ST3GAL4: variants seen among roughly 807,000 people sequenced by gnomAD.
ST3GAL4 encodes CMP-N-acetylneuraminate-beta-galactosamide-alpha-2,3-sialyltransferase 4.
Under a neutral mutation model 42.6 loss-of-function variants are expected in ST3GAL4, and 24 were observed. That is an observed-to-expected ratio of 0.56 (90% confidence interval 0.41 to 0.79). The LOEUF is 0.79. ST3GAL4 is among the 30% of genes least tolerant of loss of function. ST3GAL4 has a pLI of 0.00. For missense variants in ST3GAL4, 311 were observed against 430.8 expected, an observed-to-expected ratio of 0.72 and a Z score of 2.46; for synonymous variants, 135 against 163.2, an observed-to-expected ratio of 0.83 and a Z score of 1.32.
rs7940893 is a variant in ST3GAL4 at position 126,376,181 on chromosome 11, T to C, written c.-61+20339T>C. ...CTATAGTAAGTTACTCCGATTGGCT[T>C]TTGGTATTAAAATGTCTTCAGTTTC... On this transcript the variant is annotated intron_variant, in intron 1 of 10. Transcript: ENST00000444328. The surrounding 1 kb of genome is among the most constrained non-coding windows in gnomAD (Gnocchi z 5.1). Among the ~76,000 whole-genome samples, 28,529 of 152,084 alleles carry C rather than the reference T, an allele frequency of 0.19. 2,967 individuals are homozygous for C. The highest frequency in any genetic ancestry group is 0.36 in the East Asian group (1,847 of 5,166).
intron 1 of ST3GAL4, among the ~76,000 whole-genome samples, chr11:126,390,323 G>GTTTT (rs142562472): frequency 6.7e-6 from 1 of 148,824 alleles, no homozygotes; most frequent in Non-Finnish European, 1.5e-5. Context: ...AGTGTTTCCA[G>GTTTT]TTTGTTTGTT....
Position 126,375,427 on chromosome 11 carries a change from G to A in ST3GAL4, c.-61+19585G>A, listed in dbSNP as rs1329315655. Among the ~76,000 whole-genome samples, 10 of 152,070 alleles carry A rather than the reference G, an allele frequency of 6.6e-5. No individual in the cohort carries two copies. In the South Asian group the frequency reaches 8.3e-4, roughly 13 times the overall value. On this transcript the variant is annotated intron_variant, in intron 1 of 10. Transcript: ENST00000444328. ...GGCAGGGGTGGACATCCCGGGGATC[G>A]TGGAGTCTAGGGAGCCAGTCTGCAC...
chr11:126,395,946 A>G (rs12576289), intron 1 of ST3GAL4, among the ~76,000 whole-genome samples: 32,076 of 152,118 alleles, frequency 0.21, 4,598 homozygotes, highest in East Asian at 0.74. Flanking sequence ...GTCTCTGTGC[A>G]TCAGAGCAAG....
rs976143830 is a variant in ST3GAL4, at chr11:126,363,333, G to T, written c.-61+7491G>T. 1.3e-5 allele frequency among the ~76,000 whole-genome samples: 2 copies of T among 151,978 alleles called. No homozygotes were observed. Among genetic ancestry groups the T allele is most frequent in the Non-Finnish European group, 2.9e-5 (2 of 68,006 alleles). ...TCTGCCTCCTCTGCATTCTCTCCTT[G>T]CCCTTGCTTCTCTGATCTGCCTTTT... On this transcript the variant is annotated intron_variant, in intron 1 of 10. Transcript: ENST00000444328. The surrounding 1 kb of genome is among the most constrained non-coding windows in gnomAD (Gnocchi z 4.6).
intron 1 of ST3GAL4, 150 bp from the exon 2 acceptor site, chr11:126,405,946 G>A (rs1002485708): frequency 1.1e-6 from 1 of 922,996 alleles, no homozygotes; most frequent in African/African-American, 1.6e-5. Flanking sequence ...GATCCTGGAT[G>A]AGAAAACTCA....
Position 126,363,948 on chromosome 11 carries a change from A to G in ST3GAL4, c.-61+8106A>G, listed in dbSNP as rs1952340675. Among the ~76,000 whole-genome samples the G allele has an allele frequency of 6.6e-6, 1 of 152,092 alleles. No individual in the cohort carries two copies. Among genetic ancestry groups the G allele is most frequent in the Non-Finnish European group, 1.5e-5 (1 of 68,028 alleles). ...GTTGGCTTTGTGACCCTCGCTTTGT[A>G]CTGTGGCTTTGTTCTGCCTTAGGGA... On this transcript the variant is annotated intron_variant, in intron 1 of 10. Coordinates refer to ENST00000444328, the MANE Select transcript of ST3GAL4 (RefSeq NM_001254757.2). The surrounding 1 kb of genome is among the most constrained non-coding windows in gnomAD (Gnocchi z 4.6).
Position 126,409,586 on chromosome 11 carries a change from T to C in ST3GAL4, c.771+175T>C, listed in dbSNP as rs764968197. Among the ~76,000 whole-genome samples, 3 of 152,162 alleles carry C rather than the reference T, an allele frequency of 2.0e-5. No individual in the cohort carries two copies. The highest frequency in any genetic ancestry group is 4.4e-5 in the Non-Finnish European group (3 of 68,034). ...CTGCTGCAAAGGGGAGTGCACACTT[T>C]AGAGAACCAAGGGGCATTTACTAAG... On this transcript the variant is annotated intron_variant, in intron 9 of 10. Transcript: ENST00000444328. This position sits in a 1 kb window ranked among gnomAD's most constrained non-coding sequence, Gnocchi z 4.9.
chr11:126,413,589 G>A lies in ST3GAL4; in HGVS notation c.856G>A (p.Ala286Thr), dbSNP rs550860098. 7.4e-6 allele frequency: 12 copies of A among 1,614,270 alleles called. No homozygotes were observed. Among genetic ancestry groups the A allele is most frequent in the East Asian group, 4.5e-5 (2 of 44,880 alleles). The change falls in exon 10 of 11, where the codon GCC (alanine) becomes ACC (threonine). Residue 286 changes from alanine (A) to threonine (T), a missense_variant. By Grantham distance (58) the Ala-to-Thr change is moderately conservative. Transcript: ENST00000444328. ...VHIAGFGYPD[A>T]YNKKQTIHYY... ...CATTGCCGGCTTTGGCTACCCAGAC[G>A]CCTACAACAAGAAGCAGACCATTCA...
Position 126,393,767 on chromosome 11 carries a change from C to T in ST3GAL4, c.-60-12329C>T, listed in dbSNP as rs1953613019. On this transcript the variant is annotated intron_variant, in intron 1 of 10. Coordinates refer to ENST00000444328, the MANE Select transcript of ST3GAL4 (RefSeq NM_001254757.2). The surrounding 1 kb of genome is among the most constrained non-coding windows in gnomAD (Gnocchi z 5.9). ...TGTCCGGTCAAAATAGAATGGGAGC[C>T]AGAAATACAAGCCACATGTAATTTT... Among the ~76,000 whole-genome samples the T allele has an allele frequency of 6.6e-6, 1 of 152,084 alleles. No homozygotes were observed. Among genetic ancestry groups the T allele is most frequent in the Non-Finnish European group, 1.5e-5 (1 of 68,030 alleles).
In ST3GAL4 at chr11:126,409,322, CAG is replaced by C; in HGVS notation, c.684_685del (p.Gln228HisfsTer14). Reference sequence around the variant, plus strand: ...CCTCATCTGGGATGTCAATCCTAAACAGATTCGGATTCTCAACCCCTTCTTCA... The same window carrying C: ...CCTCATCTGGGATGTCAATCCTAAACATTCGGATTCTCAACCCCTTCTTCA... ...PPLIWDVNPKQIRILNPFFME... is the reference protein window; with the variant it reads ...PPLIWDVNPKXIRILNPFFME... On this transcript the variant is annotated frameshift_variant, in exon 9 of 11. Coordinates refer to ENST00000444328, the MANE Select transcript of ST3GAL4 (RefSeq NM_001254757.2). LOFTEE classifies it high-confidence loss of function. The surrounding 1 kb of genome is among the most constrained non-coding windows in gnomAD (Gnocchi z 4.9). 1 of 1,614,256 alleles carries C rather than the reference CAG, an allele frequency of 6.2e-7. No individual in the cohort carries two copies. Among genetic ancestry groups the C allele is most frequent in the Non-Finnish European group, 8.5e-7 (1 of 1,180,048 alleles).
rs1157748772 is a variant in ST3GAL4 at position 126,376,209 on chromosome 11, AG to A, written c.-61+20369del. The stretch of plus-strand genomic sequence containing the variant: ...GGTATTAAAATGTCTTCAGTTTCAG[AG>A]GTCCCAGGATAGTGGGCAATATTTG... On this transcript the variant is annotated intron_variant, in intron 1 of 10. Transcript: ENST00000444328. This position sits in a 1 kb window ranked among gnomAD's most constrained non-coding sequence, Gnocchi z 5.1. Among the ~76,000 whole-genome samples the A allele has an allele frequency of 6.6e-6, 1 of 152,196 alleles. No individual in the cohort carries two copies. The highest frequency in any genetic ancestry group is 1.9e-4 in the East Asian group (1 of 5,194).
intron 1 of ST3GAL4, among the ~76,000 whole-genome samples, chr11:126,367,191 G>A (rs1952461825): frequency 6.6e-6 from 1 of 152,124 alleles, no homozygotes; most frequent in Non-Finnish European, 1.5e-5. Flanking sequence ...ACCAACTCCA[G>A]GAGGTGCTAC....
At position 126,383,876 on chromosome 11, in the gene ST3GAL4, G is replaced by C. The variant is rs1953108254; in HGVS notation, c.-60-22220G>C. ...TCATGGCCCACCTTTACTCTGAGGG[G>C]GTGGGCTTCCTGCGGGGGACAAACT... On this transcript the variant is annotated intron_variant, in intron 1 of 10. Coordinates refer to ENST00000444328, the MANE Select transcript of ST3GAL4 (RefSeq NM_001254757.2). This position sits in a 1 kb window ranked among gnomAD's most constrained non-coding sequence, Gnocchi z 4.5. 6.6e-6 allele frequency among the ~76,000 whole-genome samples: 1 copy of C among 152,174 alleles called. No individual in the cohort carries two copies. The highest frequency in any genetic ancestry group is 6.5e-5 in the Admixed American group (1 of 15,282).
chr11:126,413,393 G>A lies in ST3GAL4; in HGVS notation c.772-112G>A, dbSNP rs542374226. 47 of 1,391,460 alleles carry A rather than the reference G, an allele frequency of 3.4e-5. No individual in the cohort carries two copies. In the East Asian group the frequency reaches 4.0e-4, roughly 12 times the overall value. 86.2% of individuals were successfully genotyped at this position (1,391,460 alleles called of 1,614,324 possible). On this transcript the variant is annotated intron_variant, in intron 9 of 10. Transcript: ENST00000444328. ...CTCGTGGCTTGTCTTGTTGGACAGC[G>A]CAGATGGAGAACGTTTCCGTGACTG...
At position 126,363,883 on chromosome 11, in the gene ST3GAL4, C is replaced by G. The variant is rs1434649831; in HGVS notation, c.-61+8041C>G. Among the ~76,000 whole-genome samples, 1 of 152,372 alleles carries G rather than the reference C, an allele frequency of 6.6e-6. No homozygotes were observed. The highest frequency in any genetic ancestry group is 1.5e-5 in the Non-Finnish European group (1 of 68,034). On this transcript the variant is annotated intron_variant, in intron 1 of 10. Coordinates refer to ENST00000444328, the MANE Select transcript of ST3GAL4 (RefSeq NM_001254757.2). This position sits in a 1 kb window ranked among gnomAD's most constrained non-coding sequence, Gnocchi z 4.6. ...GATACACTCCCCACCCTCCCAGGCC[C>G]GGCACCGTGTCGCCCTGCCCCAGCC...
chr11:126,387,830 A>G (rs1377806573), intron 1 of ST3GAL4, among the ~76,000 whole-genome samples: 2 of 152,198 alleles, frequency 1.3e-5, no homozygotes, highest in Non-Finnish European at 2.9e-5. Context: ...GTACAGACAT[A>G]TCTGGGTATG....
intron 1 of ST3GAL4, chr11:126,358,582 C>T (rs186816279): frequency 1.1e-4 from 40 of 372,916 alleles, no homozygotes; most frequent in Middle Eastern, 5.8e-4. Flanking sequence ...AGAGCAGCAG[C>T]GTGCGATGCC....
At chr11:126,402,154 A>G (rs569283765) in intron 1 of ST3GAL4, among the ~76,000 whole-genome samples, 1 of 151,542 alleles carries the variant, frequency 6.6e-6, no homozygotes, top group African/African-American at 2.4e-5. Flanking sequence ...GGTTTTCCCT[A>G]CAGAACTGAG....
chr11:126,394,160 G>A (rs886428516), intron 1 of ST3GAL4, among the ~76,000 whole-genome samples: 9 of 152,242 alleles, frequency 5.9e-5, no homozygotes, highest in Admixed American at 3.3e-4. Context: ...GGCTGTGCTG[G>A]TGGGAAGCCA....
Sources: gnomAD v4.1 joint callset for allele counts (sites outside exome capture counted in the v4.1 genomes callset) on GRCh38, gnomAD v4.1.1 for gene constraint, Gnocchi (gnomAD v3.1) non-coding constraint, MANE v1.5 for transcripts, NCBI Gene and HGNC (gene_info 2026-07-23, HGNC 2026-07-21) for gene names.